The following DPYD variants were observed in gnomAD, a reference collection of about 807,000 sequenced individuals.
The protein encoded by DPYD is dihydropyrimidine dehydrogenase.
In DPYD, 109 loss-of-function variants were observed where a neutral mutation model predicts 116.2. The observed-to-expected ratio is 0.94, with a 90% CI of 0.80 to 1.10. The LOEUF is 1.10. Ranked by LOEUF, DPYD falls within the 50% of genes least tolerant of loss-of-function variation. The pLI, the probability that DPYD is intolerant of heterozygous loss-of-function variation, is 0.00. For synonymous variants in DPYD, 440 were observed against 432.0 expected, an observed-to-expected ratio of 1.02 and a Z score of -0.23; for missense variants, 1,302 against 1,254.5, an observed-to-expected ratio of 1.04 and a Z score of -0.57.
At chr1:97,760,184 G>A (rs1665494836) in intron 3 of DPYD, among the ~76,000 whole-genome samples, 1 of 152,062 alleles carries the variant, frequency 6.6e-6, no homozygotes, top group African/African-American at 2.4e-5. Context: ...GAGGGTAGCT[G>A]GAATGAAATT....
At chr1:97,133,935 GT>G (rs1191508468) in intron 20 of DPYD, among the ~76,000 whole-genome samples, 1 of 147,236 alleles carries the variant, frequency 6.8e-6, no homozygotes, top group Non-Finnish European at 1.5e-5. Flanking sequence ...GGAGGTGGAG[GT>G]TGCAGTGAGC....
intron 18 of DPYD, among the ~76,000 whole-genome samples, chr1:97,235,969 A>G (rs765521991): frequency 6.6e-6 from 1 of 152,204 alleles, no homozygotes; most frequent in Non-Finnish European, 1.5e-5. Context: ...TTACCAGTAT[A>G]TTATTCCCTA....
rs371771707 is a variant in DPYD at position 97,302,961 on chromosome 1, C to T, written c.2299+2298G>A. On this transcript the variant is annotated intron_variant, in intron 18 of 22. Coordinates refer to ENST00000370192, the MANE Select transcript of DPYD (RefSeq NM_000110.4). The stretch of plus-strand genomic sequence containing the variant: ...TCCACTGACATTCCTTAGCTGAGAT[C>T]CCGTTTTCCCAATGCAAGTCACTGT... Among the ~76,000 whole-genome samples the T allele has an allele frequency of 2.0e-4, 30 of 152,074 alleles. 1 individual carries two copies. In the South Asian group the frequency reaches 6.0e-3, roughly 30 times the overall value.
At chr1:97,134,012 AAAATATATATATATATATATATAT>A (rs1265450996) in intron 20 of DPYD, among the ~76,000 whole-genome samples, 517 of 48,840 alleles carry the variant, frequency 0.011, 59 homozygotes, top group African/African-American at 0.018. Flanking sequence ...AAAAAAAAAA[AAAATATATATATATATATATATAT>A]ATATATATAT....
intron 3 of DPYD, among the ~76,000 whole-genome samples, chr1:97,808,957 T>A (rs114332654): frequency 0.012 from 1,759 of 152,226 alleles, 13 homozygotes; most frequent in Middle Eastern, 0.044. Context: ...TGACCTATGG[T>A]TATTTTGAAG....
chr1:97,582,970 G>C (rs1235031979), intron 10 of DPYD, among the ~76,000 whole-genome samples: 1 of 152,006 alleles, frequency 6.6e-6, no homozygotes, highest in African/African-American at 2.4e-5. Flanking sequence ...ATTTTTTGTT[G>C]TTGTTGTTTG....
intron 11 of DPYD, among the ~76,000 whole-genome samples, chr1:97,571,092 T>C (rs1043795110): frequency 6.6e-6 from 1 of 151,918 alleles, no homozygotes; most frequent in Admixed American, 6.6e-5. Context: ...TATGAATGGA[T>C]AAATGAAAGA....
chr1:97,577,058 G>A (rs1653310862), intron 10 of DPYD, among the ~76,000 whole-genome samples: 1 of 152,148 alleles, frequency 6.6e-6, no homozygotes, highest in Non-Finnish European at 1.5e-5. Context: ...ATTTATCTTG[G>A]GAAATAGGGA....
intron 18 of DPYD, among the ~76,000 whole-genome samples, chr1:97,253,989 C>A (rs779116855): frequency 3.9e-5 from 6 of 152,036 alleles, no homozygotes; most frequent in Non-Finnish European, 7.4e-5. Flanking sequence ...AATAACTATC[C>A]TTTGTTGAAT....
chr1:97,270,336 C>T (rs1460235846), intron 18 of DPYD, among the ~76,000 whole-genome samples: 3 of 152,128 alleles, frequency 2.0e-5, no homozygotes, highest in South Asian at 2.1e-4. Context: ...TTTTATTCTT[C>T]CCTACCCCAA....
chr1:97,176,143 T>C (rs1657239603), intron 20 of DPYD, among the ~76,000 whole-genome samples: 1 of 152,194 alleles, frequency 6.6e-6, no homozygotes, highest in Non-Finnish European at 1.5e-5. Flanking sequence ...AAGAATTTAA[T>C]TAACCCACTG....
chr1:97,104,762 A>T (rs1163081089), intron 20 of DPYD, among the ~76,000 whole-genome samples: 1 of 152,138 alleles, frequency 6.6e-6, no homozygotes, highest in Non-Finnish European at 1.5e-5. Context: ...CCTCTGTTCC[A>T]TCGTTCATAA....
intron 7 of DPYD, among the ~76,000 whole-genome samples, chr1:97,690,329 T>C (rs971393122): frequency 6.6e-6 from 1 of 152,012 alleles, no homozygotes; most frequent in African/African-American, 2.4e-5. Flanking sequence ...ATAAGAGTAA[T>C]GGGTATGCTC....
At chr1:97,324,097 T>C (rs1372275039) in intron 16 of DPYD, among the ~76,000 whole-genome samples, 1 of 152,018 alleles carries the variant, frequency 6.6e-6, no homozygotes, top group Non-Finnish European at 1.5e-5. Context: ...ATATCAACCC[T>C]GGTAGAGGCT....
At chr1:97,708,680 C>T (rs1339724442) in intron 5 of DPYD, among the ~76,000 whole-genome samples, 5 of 151,820 alleles carry the variant, frequency 3.3e-5, no homozygotes, top group Non-Finnish European at 5.9e-5. Context: ...AAATAGTTTC[C>T]TGAGATTTTG....
In DPYD at chr1:97,699,449, A is replaced by G. The variant is rs1661472480; in HGVS notation, c.582T>C (p.Gly194=). The change falls in exon 6 of 23, where the codon GGT becomes GGC. Residue 194 remains glycine (G), a synonymous_variant. Transcript: ENST00000370192. ...EAYSAKIALF[G]AGPASISCAS... ...CACAACTTATACTTGCAGGCCCAGC[A>G]CCAAAAAGAGCAATCTTTGCAGAAT... 6.2e-7 allele frequency: 1 copy of G among 1,613,726 alleles called. No individual in the cohort carries two copies. Among genetic ancestry groups the G allele is most frequent in the Non-Finnish European group, 8.5e-7 (1 of 1,179,710 alleles).
intron 14 of DPYD, among the ~76,000 whole-genome samples, chr1:97,427,666 A>G (rs1019306460): frequency 8.6e-5 from 13 of 151,938 alleles, no homozygotes; most frequent in African/African-American, 3.1e-4. Context: ...CTCACAGAAC[A>G]AGATAAAGCT....
intron 13 of DPYD, among the ~76,000 whole-genome samples, chr1:97,502,146 C>T (rs1216552452): frequency 6.6e-6 from 1 of 152,044 alleles, no homozygotes; most frequent in Non-Finnish European, 1.5e-5. Flanking sequence ...ATAAGATCTT[C>T]TGTTAACCAA....
intron 10 of DPYD, among the ~76,000 whole-genome samples, chr1:97,583,008 G>A (rs761809818): frequency 1.3e-4 from 20 of 151,950 alleles, no homozygotes; most frequent in South Asian, 2.1e-4. Flanking sequence ...TGACTCTGTC[G>A]CCCAGGCTGG....
Sources: gnomAD v4.1 joint callset for allele counts (sites outside exome capture counted in the v4.1 genomes callset) on GRCh38, gnomAD v4.1.1 for gene constraint, MANE v1.5 for transcripts, NCBI Gene and HGNC (gene_info 2026-07-23, HGNC 2026-07-21) for gene names.